Variants in MICAL3 observed in about 807,000 individuals in gnomAD.
MICAL3 encodes microtubule associated monooxygenase, calponin and LIM domain containing 3.
MICAL3 carries 62 observed loss-of-function variants against 207.4 expected under a neutral mutation model. That is an observed-to-expected ratio of 0.30 (90% confidence interval 0.24 to 0.37). The LOEUF is 0.37. MICAL3 is among the 10% of genes least tolerant of loss of function. The probability of loss-of-function intolerance (pLI) is 1.00; values close to 1 mark genes in which losing one functional copy is unlikely to be tolerated. For missense variants in MICAL3, 2,368 were observed against 2,635.6 expected (o/e 0.90, Z 2.22); for synonymous variants, 1,077 against 1,069.3 (o/e 1.01, Z -0.14).
intron 1 of MICAL3, among the ~76,000 whole-genome samples, chr22:18,009,129 G>A (rs1158297470): frequency 1.4e-5 from 2 of 141,674 alleles, no homozygotes; most frequent in Non-Finnish European, 3.0e-5. Flanking sequence ...AGTTACCAAG[G>A]CACTGCAAAA....
chr22:17,976,281 TTATAC>T (rs926067839), intron 1 of MICAL3, among the ~76,000 whole-genome samples: 8 of 152,252 alleles, frequency 5.3e-5, no homozygotes, highest in African/African-American at 1.9e-4. Context: ...ATTCCGTGTC[TTATAC>T]TAGAGTAAAT....
chr22:17,870,402 C>T (rs964651401), intron 17 of MICAL3, among the ~76,000 whole-genome samples: 1 of 152,192 alleles, frequency 6.6e-6, no homozygotes, highest in African/African-American at 2.4e-5. Context: ...GCTGCACACA[C>T]TCGTGTCGCC....
Position 17,953,759 on chromosome 22 carries a change from C to T in MICAL3, c.-74-46873G>A, listed in dbSNP as rs188241771. Reference sequence around the variant, plus strand: ...CAGCCTGACCAACAAGGTGAAACCCCGTCTTTACTAAAAATACAAAAATTA... The same window carrying T: ...CAGCCTGACCAACAAGGTGAAACCCTGTCTTTACTAAAAATACAAAAATTA... On this transcript the variant is annotated intron_variant, in intron 1 of 31. Transcript: ENST00000441493. Among the ~76,000 whole-genome samples, 541 of 151,636 alleles carry T rather than the reference C, an allele frequency of 3.6e-3. 1 individual carries two copies. Among genetic ancestry groups the T allele is most frequent in the Non-Finnish European group, 4.5e-3 (306 of 67,918 alleles).
intron 7 of MICAL3, among the ~76,000 whole-genome samples, chr22:17,897,451 G>GT (rs1427317797): frequency 1.3e-5 from 2 of 151,296 alleles, no homozygotes; most frequent in Non-Finnish European, 2.9e-5. Context: ...AAAAAGAGGG[G>GT]TTTGGGGGGT....
chr22:17,906,639 G>C lies in MICAL3; in HGVS notation c.174C>G (p.Asn58Lys). ...CCCAGAGGGCTTTGGCTTTCCAGTA[G>C]TTAAGCTTGGACTTGAGCTTGTGAT... ...SFYHKLKSKL[N>K]YWKAKALWAK... is the part of the protein sequence containing the mutation. Residue 58 changes from asparagine (N) to lysine (K), a missense_variant, in exon 2 of 32, where the codon AAC becomes AAG. By Grantham distance (94) the Asn-to-Lys change is moderately conservative (BLOSUM62 0). This residue lies in a region of MICAL3 where 400 missense variants were observed against 547.0 expected (regional missense o/e 0.73). Transcript: ENST00000441493. The C allele has an allele frequency of 6.2e-7, 1 of 1,613,990 alleles. No individual in the cohort carries two copies. The highest frequency in any genetic ancestry group is 1.1e-5 in the South Asian group (1 of 91,080).
chr22:17,989,232 C>G (rs1432083649), intron 1 of MICAL3, among the ~76,000 whole-genome samples: 1 of 152,116 alleles, frequency 6.6e-6, no homozygotes, highest in Non-Finnish European at 1.5e-5. Context: ...TTCAGGAAGC[C>G]CTTCCTGCCT....
rs148854751 is a variant in MICAL3, at chr22:17,967,719, G to A, written c.-75+56562C>T. Among the ~76,000 whole-genome samples, 871 of 151,792 alleles carry A rather than the reference G, an allele frequency of 5.7e-3. 6 individuals carry two copies. Among genetic ancestry groups the A allele is most frequent in the African/African-American group, 0.02 (840 of 41,360 alleles). ...GACCAGGAATTTGAGACCAGCCTGGGCAACACAGCGAAACCCCTTCTCTAT... is the reference window on the plus strand; with the variant it reads ...GACCAGGAATTTGAGACCAGCCTGGACAACACAGCGAAACCCCTTCTCTAT... On this transcript the variant is annotated intron_variant, in intron 1 of 31. Coordinates refer to ENST00000441493, the MANE Select transcript of MICAL3 (RefSeq NM_015241.3).
Position 17,808,581 on chromosome 22 carries a change from G to A in MICAL3, c.5650+263C>T, listed in dbSNP as rs148290258. On this transcript the variant is annotated intron_variant, in intron 29 of 31. Coordinates refer to ENST00000441493, the MANE Select transcript of MICAL3 (RefSeq NM_015241.3). ...GAAGGAGGGGGAAGAGCCAGCGCTC[G>A]CCATCAGCATGCCGGGGACTGAGTT... is the stretch of plus-strand genomic sequence containing the variant. Among the ~76,000 whole-genome samples the A allele has an allele frequency of 3.0e-3, 456 of 152,336 alleles. 1 individual carries two copies. Among genetic ancestry groups the A allele is most frequent in the Non-Finnish European group, 5.3e-3 (360 of 68,030 alleles).
At chr22:17,881,422 C>T in intron 16 of MICAL3, 8 of 770,778 alleles carry the variant, frequency 1.0e-5, no homozygotes, top group Non-Finnish European at 1.3e-5. Flanking sequence ...CCTTTCCTTG[C>T]CCCTCCATCC....
At chr22:18,001,633 AG>A (rs1370981453) in intron 1 of MICAL3, 2 of 152,472 alleles carry the variant, frequency 1.3e-5, no homozygotes, top group Non-Finnish European at 2.9e-5. Flanking sequence ...CCCCGTCCTC[AG>A]GGACTCCATT....
rs1308185215 is a variant in MICAL3 at position 17,812,566 on chromosome 22, CG to C, written c.5446-1754del. On this transcript the variant is annotated intron_variant, in intron 27 of 31. Transcript: ENST00000441493. The stretch of plus-strand genomic sequence containing the variant: ...TGTGGTACATAAATTGACTTTTAAG[CG>C]GATGGCATCAGAAAACAAAACAGAA... The C allele has an allele frequency of 6.1e-6, 6 of 984,086 alleles. No individual in the cohort carries two copies. The Admixed American group carries it at 2.5e-4, about 40-fold the overall frequency. 61.0% of individuals were successfully genotyped at this position (984,086 alleles called of 1,614,324 possible).
At chr22:17,894,796 CAAAA>C (rs549154429) in intron 10 of MICAL3, among the ~76,000 whole-genome samples, 1 of 78,318 alleles carries the variant, frequency 1.3e-5, no homozygotes, top group African/African-American at 3.9e-5. Context: ...GATTCCATCT[CAAAA>C]AAAAAAAAAA....
At position 17,818,886 on chromosome 22, in the gene MICAL3, G is replaced by A; in HGVS notation, c.3775C>T (p.Pro1259Ser). 6.4e-7 allele frequency: 1 copy of A among 1,554,720 alleles called. No homozygotes were observed. Among genetic ancestry groups the A allele is most frequent in the Non-Finnish European group, 8.7e-7 (1 of 1,149,190 alleles). Residue 1259 changes from proline (P) to serine (S), a missense_variant, in exon 26 of 32, where the codon CCC (proline) becomes TCC (serine). Physicochemically the swap from Pro to Ser is moderately conservative, Grantham distance 74. Coordinates refer to ENST00000441493, the MANE Select transcript of MICAL3 (RefSeq NM_015241.3). ...GAAGGCTGGGGCTGGGAGCAGATGG[G>A]GAGTGGGCTGGGTGGGGGCGTGGAG... ...AASTPPPSPL[P>S]ICSQPQPSTE...
chr22:17,915,802 C>T (rs750705671), intron 1 of MICAL3, among the ~76,000 whole-genome samples: 1 of 151,986 alleles, frequency 6.6e-6, no homozygotes, highest in African/African-American at 2.4e-5. Context: ...GTGTAGAAGA[C>T]CAAAATAGGC....
In MICAL3 at chr22:17,810,771, G is replaced by A. The variant is rs747315345; in HGVS notation, c.5488C>T (p.Arg1830Trp). ...TEEELNAKLT[R>W]RVQKAARRQA... ...CTCCGAGCTGCCTTTTGCACACGCC[G>A]GGTCAGCTTGGCATTCAGTTCCTCC... Residue 1830 changes from arginine to tryptophan, a missense_variant, in exon 28 of 32, where the codon CGG (arginine) becomes TGG (tryptophan). By Grantham distance (101) the Arg-to-Trp change is moderately radical. Around this residue, in one of 4 missense-constraint regions of MICAL3, gnomAD observed 1,770 missense variants for 1,863.2 expected, o/e 0.95. Transcript: ENST00000441493. 89 of 1,613,822 alleles carry A rather than the reference G, an allele frequency of 5.5e-5. No homozygotes were observed. Among genetic ancestry groups the A allele is most frequent in the Non-Finnish European group, 7.0e-5 (83 of 1,179,864 alleles).
intron 16 of MICAL3, 74 bp from the exon 17 acceptor site, chr22:17,872,097 C>A (rs1927781082): frequency 3.0e-6 from 4 of 1,340,870 alleles, no homozygotes; most frequent in Non-Finnish European, 4.1e-6. Context: ...GAGGCACAGC[C>A]TTGCGAGAGC....
chr22:17,957,780 A>G (rs9605454), intron 1 of MICAL3, among the ~76,000 whole-genome samples: 7,438 of 151,524 alleles, frequency 0.049, 355 homozygotes, highest in African/African-American at 0.12. Context: ...GAACGAAAGA[A>G]AGAAACTTTC....
In MICAL3 at chr22:17,902,643, G is replaced by C. The variant is rs755739493; in HGVS notation, c.577C>G (p.Gln193Glu). The change falls in exon 4 of 32, where the codon CAA (glutamine) becomes GAA (glutamate). Residue 193 changes from glutamine (Q) to glutamate (E), a missense_variant. Physicochemically the swap from Gln to Glu is conservative, Grantham distance 29. Around this residue, in one of 4 missense-constraint regions of MICAL3, gnomAD observed 400 missense variants for 547.0 expected, o/e 0.73. Transcript: ENST00000441493. This position sits in a 1 kb window ranked among gnomAD's most constrained non-coding sequence, Gnocchi z 4.5. ...CAGTATAACTTACGTTCATTCTCTT[G>C]GTCCTCAGGAGGCTGTATAAGTCCT... Reference protein sequence around the residue: ...FQGLIQPPEDQENERIGWRAL... With the variant: ...FQGLIQPPEDEENERIGWRAL... The C allele has an allele frequency of 1.9e-6, 3 of 1,590,540 alleles. 1 individual carries two copies. Among genetic ancestry groups the C allele is most frequent in the South Asian group, 2.3e-5 (2 of 88,508 alleles).
At chr22:17,986,974 C>A (rs1454965815) in intron 1 of MICAL3, among the ~76,000 whole-genome samples, 1 of 151,978 alleles carries the variant, frequency 6.6e-6, no homozygotes, top group Non-Finnish European at 1.5e-5. Context: ...CGTGGTGGCT[C>A]ACATCTGTAA....
Sources: allele counts gnomAD v4.1 joint callset (sites outside exome capture counted in the v4.1 genomes callset), GRCh38; gene constraint gnomAD v4.1.1; regional missense constraint gnomAD v4.1.1; non-coding constraint Gnocchi (gnomAD v3.1); transcripts MANE v1.5; gene names NCBI Gene and HGNC (gene_info 2026-07-23, HGNC 2026-07-21).